Variants in CDC42BPA observed in about 807,000 individuals in gnomAD.
CDC42BPA encodes serine/threonine-protein kinase MRCK alpha.
A neutral mutation model predicts 223.5 loss-of-function variants in CDC42BPA; 80 were observed. That is an observed-to-expected ratio of 0.36 (90% CI 0.30 to 0.43). The LOEUF is 0.43. Among genes scored for constraint, CDC42BPA ranks in the 20% least tolerant of loss-of-function variants. The pLI, the probability that CDC42BPA is intolerant of heterozygous loss-of-function variation, is 1.00. For missense variants in CDC42BPA, 1,743 were observed against 2,099.9 expected (o/e 0.83, Z 3.32); for synonymous variants, 694 against 718.6 (o/e 0.97, Z 0.55).
In CDC42BPA at chr1:227,035,704, T is replaced by G. The variant is rs569421672; in HGVS notation, c.3200-97A>C. The stretch of plus-strand genomic sequence containing the variant: ...CATACAAGATGCTATGTTAGATGAA[T>G]GCTTATCTCCAATTTTATTTTAAAT... On this transcript the variant is annotated intron_variant, in intron 24 of 36. Transcript: ENST00000366766. 83 of 755,058 alleles carry G rather than the reference T, an allele frequency of 1.1e-4. 1 individual carries two copies. The Admixed American group carries it at 2.7e-3, about 24-fold the overall frequency. 46.8% of individuals were successfully genotyped at this position (755,058 alleles called of 1,614,324 possible). A position where few individuals can be genotyped will look rare whatever the true frequency, so the allele number is the denominator to read the frequency against.
At chr1:227,281,987 C>T (rs1052555015) in intron 1 of CDC42BPA, among the ~76,000 whole-genome samples, 5 of 151,656 alleles carry the variant, frequency 3.3e-5, no homozygotes, top group Admixed American at 1.3e-4. Flanking sequence ...GTCGGGAGTT[C>T]GCGACCAGCC....
In CDC42BPA at chr1:227,257,067, A is replaced by T. The variant is rs1683203911; in HGVS notation, c.179-2912T>A. The stretch of plus-strand genomic sequence containing the variant: ...TGTGGATAAATCTTGAAAACATGCT[A>T]AGTAAAGTAAGACAGGCATTAAAAG... On this transcript the variant is annotated intron_variant, in intron 1 of 36. Transcript: ENST00000366766. Among the ~76,000 whole-genome samples the T allele has an allele frequency of 2.0e-5, 3 of 152,106 alleles. No homozygotes were observed. In the South Asian group the frequency reaches 6.2e-4, roughly 31 times the overall value.
chr1:227,000,815 T>TAA (rs112257437), intron 35 of CDC42BPA, among the ~76,000 whole-genome samples: 5 of 142,846 alleles, frequency 3.5e-5, no homozygotes, highest in South Asian at 4.5e-4. Context: ...CTACAACCTT[T>TAA]AAAAAAAAAA....
chr1:226,991,121 A>G lies in CDC42BPA; in HGVS notation c.*3147T>C, dbSNP rs1299107755. On this transcript the variant is annotated 3_prime_UTR_variant, in exon 37 of 37. Coordinates refer to ENST00000366766, the MANE Select transcript of CDC42BPA (RefSeq NM_001394014.1). ...ATATGTATGTAATTTTAAATACCCA[A>G]AGCACAAACATGATTAGTCAGAATT... 6.6e-6 allele frequency: 1 copy of G among 152,648 alleles called. No individual in the cohort carries two copies. Among genetic ancestry groups the G allele is most frequent in the Admixed American group, 6.5e-5 (1 of 15,288 alleles). The allele number at this position is 152,648 out of a possible 1,614,324, so 9.5% of individuals were successfully genotyped here.
chr1:227,314,049 C>G (rs1468743179), intron 1 of CDC42BPA, among the ~76,000 whole-genome samples: 2 of 151,964 alleles, frequency 1.3e-5, no homozygotes, highest in Non-Finnish European at 2.9e-5. Flanking sequence ...CCCCAAAATT[C>G]CAATTTCCCA....
chr1:227,254,377 A>C (rs1353826462), intron 1 of CDC42BPA, among the ~76,000 whole-genome samples: 1 of 152,218 alleles, frequency 6.6e-6, no homozygotes, highest in Non-Finnish European at 1.5e-5. Context: ...TTTTGGTGAG[A>C]AATGTATGTT....
At chr1:227,232,309 T>C (rs775249772) in intron 2 of CDC42BPA, among the ~76,000 whole-genome samples, 1 of 152,208 alleles carries the variant, frequency 6.6e-6, no homozygotes, top group Non-Finnish European at 1.5e-5. Context: ...GTATTATTTC[T>C]AGGGGCTCTA....
At chr1:227,158,140 T>C (rs1436913006) in intron 6 of CDC42BPA, among the ~76,000 whole-genome samples, 2 of 152,218 alleles carry the variant, frequency 1.3e-5, no homozygotes, top group African/African-American at 4.8e-5. Context: ...TTTGTATTTT[T>C]AGTATAGACA....
At position 227,112,368 on chromosome 1, in the gene CDC42BPA, G is replaced by C. The variant is rs1409129749; in HGVS notation, c.1945C>G (p.Arg649Gly). ...AAEASKDRKLREQSEHYSKQL... is the reference protein window; with the variant it reads ...AAEASKDRKLGEQSEHYSKQL... ...TTAGAATAGTGCTCACTCTGTTCAC[G>C]TAGCTTCCTGTCTTTAGATGCTTCA... Residue 649 changes from arginine to glycine, a missense_variant, in exon 14 of 37, where the codon CGT becomes GGT. Physicochemically the swap from Arg to Gly is moderately radical, Grantham distance 125. Around this residue, in one of 6 missense-constraint regions of CDC42BPA, gnomAD observed 464 missense variants for 488.0 expected, o/e 0.95. Coordinates refer to ENST00000366766, the MANE Select transcript of CDC42BPA (RefSeq NM_001394014.1). 6.2e-7 allele frequency: 1 copy of C among 1,608,422 alleles called. No homozygotes were observed. The highest frequency in any genetic ancestry group is 2.2e-5 in the East Asian group (1 of 44,522).
chr1:227,217,718 C>T (rs560012884), intron 2 of CDC42BPA, among the ~76,000 whole-genome samples: 5 of 152,116 alleles, frequency 3.3e-5, no homozygotes, highest in African/African-American at 4.8e-5. Context: ...TGCTACTCTC[C>T]CCCTGGTTCA....
At chr1:227,129,593 G>A (rs904785568) in intron 10 of CDC42BPA, among the ~76,000 whole-genome samples, 5 of 144,962 alleles carry the variant, frequency 3.4e-5, no homozygotes, top group African/African-American at 7.7e-5. Flanking sequence ...CTTGAGCCCC[G>A]GAGGTTGAGG....
At chr1:227,246,694 C>G (rs1681034042) in intron 2 of CDC42BPA, among the ~76,000 whole-genome samples, 2 of 150,980 alleles carry the variant, frequency 1.3e-5, no homozygotes, top group African/African-American at 4.9e-5. Flanking sequence ...CCTTCAAATA[C>G]CTGGAATGCT....
At chr1:227,268,751 T>C (rs924102648) in intron 1 of CDC42BPA, among the ~76,000 whole-genome samples, 6 of 151,260 alleles carry the variant, frequency 4.0e-5, no homozygotes, top group Admixed American at 2.6e-4. Flanking sequence ...ACTGGCGTGA[T>C]CCCGGTTCAC....
chr1:227,068,282 A>T (rs991989715), intron 21 of CDC42BPA, among the ~76,000 whole-genome samples: 11 of 151,648 alleles, frequency 7.3e-5, no homozygotes, highest in Non-Finnish European at 1.5e-4. Context: ...CATAGAAATT[A>T]AACAGTAAAG....
chr1:227,226,432 T>C (rs1032017994), intron 2 of CDC42BPA, among the ~76,000 whole-genome samples: 1 of 152,200 alleles, frequency 6.6e-6, no homozygotes, highest in Admixed American at 6.5e-5. Flanking sequence ...CCTCACCTCC[T>C]TACAGCTCAA....
chr1:227,082,703 A>G (rs1680950181), intron 16 of CDC42BPA, among the ~76,000 whole-genome samples: 1 of 123,282 alleles, frequency 8.1e-6, no homozygotes, highest in Non-Finnish European at 1.6e-5. Context: ...TGACAGAATG[A>G]GACTCTGTCT....
At chr1:227,066,001 A>AT (rs938181863) in intron 21 of CDC42BPA, among the ~76,000 whole-genome samples, 4 of 152,208 alleles carry the variant, frequency 2.6e-5, no homozygotes, top group African/African-American at 7.2e-5. Context: ...TGTACTACTC[A>AT]TTAGAGCCTT....
At chr1:227,275,255 T>TGGACGGGCGCGGTGGC (rs1553430254) in intron 1 of CDC42BPA, among the ~76,000 whole-genome samples, 2 of 149,300 alleles carry the variant, frequency 1.3e-5, no homozygotes, top group Non-Finnish European at 3.0e-5. Context: ...GCAGAGGGCA[T>TGGACGGGCGCGGTGGC]TTAGAATGGA....
At chr1:227,297,967 T>TACACAC (rs1553440423) in intron 1 of CDC42BPA, among the ~76,000 whole-genome samples, 114 of 132,076 alleles carry the variant, frequency 8.6e-4, no homozygotes, top group African/African-American at 1.9e-3. Flanking sequence ...TATATACATA[T>TACACAC]ACACACACAC....
Sources: gnomAD v4.1 joint callset for allele counts (sites outside exome capture counted in the v4.1 genomes callset) on GRCh38, gnomAD v4.1.1 for gene constraint, gnomAD v4.1.1 regional missense constraint, MANE v1.5 for transcripts, NCBI Gene and HGNC (gene_info 2026-07-23, HGNC 2026-07-21) for gene names.